Variants in GRK5 observed in about 807,000 individuals in gnomAD.
The protein encoded by GRK5 is g protein-coupled receptor kinase GRK5.
A neutral mutation model predicts 78.4 loss-of-function variants in GRK5; 40 were observed. The ratio of observed to expected loss-of-function variants is 0.51; its 90% CI spans 0.40 to 0.66. The LOEUF (loss-of-function observed/expected upper bound fraction) is 0.66, where lower values mean the gene tolerates loss of function less well. Ranked by LOEUF, GRK5 falls within the 30% of genes least tolerant of loss-of-function variation. The pLI, the probability that GRK5 is intolerant of heterozygous loss-of-function variation, is 0.00. For missense variants in GRK5, 598 were observed against 759.9 expected, an observed-to-expected ratio of 0.79 and a Z score of 2.50; for synonymous variants, 289 against 296.8, an observed-to-expected ratio of 0.97 and a Z score of 0.27.
chr10:119,434,226 C>T (rs1359480920), intron 8 of GRK5, among the ~76,000 whole-genome samples: 2 of 152,122 alleles, frequency 1.3e-5, no homozygotes, highest in Admixed American at 1.3e-4. Context: ...TCATTCTGCC[C>T]CTGGCCCCTC....
At position 119,455,004 on chromosome 10, in the gene GRK5, G is replaced by A; in HGVS notation, c.1710G>A (p.Lys570=). The A allele has an allele frequency of 6.2e-7, 1 of 1,614,012 alleles. No individual in the cohort carries two copies. Among genetic ancestry groups the A allele is most frequent in the Non-Finnish European group, 8.5e-7 (1 of 1,179,946 alleles). The change falls in exon 16 of 16, where the codon AAG becomes AAA. Residue 570 remains lysine (K), a synonymous_variant. Transcript: ENST00000392870. ...ATTCCAAGAGTTCGCCCAGCTCCAA[G>A]ACCAGTTTTAACCACCACATAAACT... ...QNNSKSSPSS[K]TSFNHHINSN...
chr10:119,260,774 G>C (rs1177178337), intron 1 of GRK5, among the ~76,000 whole-genome samples: 1 of 150,788 alleles, frequency 6.6e-6, no homozygotes, highest in Non-Finnish European at 1.5e-5. Context: ...TCTTAGTACA[G>C]AACAAAATGA....
Position 119,444,452 on chromosome 10 carries a change from GC to G in GRK5, c.1266+703del, listed in dbSNP as rs750284525. Among the ~76,000 whole-genome samples the G allele has an allele frequency of 1.8e-3, 273 of 152,280 alleles. 7 individuals are homozygous for G. The highest frequency in any genetic ancestry group is 1.6e-3 in the Non-Finnish European group (107 of 68,000). On this transcript the variant is annotated intron_variant, in intron 12 of 15. Transcript: ENST00000392870. ...TGGGCCGCCCCATGCCGGCCCTCAG[GC>G]CCTTCCCTGGGAACCAGGACTAGTG...
intron 4 of GRK5, among the ~76,000 whole-genome samples, chr10:119,418,477 C>A (rs1852507685): frequency 6.6e-6 from 1 of 152,204 alleles, no homozygotes; most frequent in Non-Finnish European, 1.5e-5. Flanking sequence ...GGCTACACAG[C>A]TGTGTCCCCA....
In GRK5 at chr10:119,378,899, G is replaced by A. The variant is rs993834743; in HGVS notation, c.149-1916G>A. 3.3e-5 allele frequency among the ~76,000 whole-genome samples: 5 copies of A among 152,274 alleles called. No individual in the cohort carries two copies. Among genetic ancestry groups the A allele is most frequent in the African/African-American group, 1.2e-4 (5 of 41,476 alleles). ...CCTTGAACCTGTCATTATGGCCAGA[G>A]AGAGAGGCCTCTGATTGGCTGTGAC... is the stretch of plus-strand genomic sequence containing the variant. On this transcript the variant is annotated intron_variant, in intron 2 of 15. Coordinates refer to ENST00000392870, the MANE Select transcript of GRK5 (RefSeq NM_005308.3). The surrounding 1 kb of genome is among the most constrained non-coding windows in gnomAD (Gnocchi z 4.5).
intron 1 of GRK5, among the ~76,000 whole-genome samples, chr10:119,309,189 G>T (rs530388002): frequency 3.3e-5 from 5 of 152,206 alleles, no homozygotes; most frequent in Non-Finnish European, 7.3e-5. Context: ...GATTCCACAG[G>T]CAGGGTTGAT....
intron 12 of GRK5, 52 bp downstream of exon 12, chr10:119,443,804 G>A (rs1250327952): frequency 1.4e-6 from 2 of 1,467,158 alleles, no homozygotes; most frequent in African/African-American, 1.4e-5. Context: ...TCCCCTCCCT[G>A]GGCCTGGCCC....
chr10:119,263,354 A>G (rs1849441949), intron 1 of GRK5, among the ~76,000 whole-genome samples: 1 of 151,254 alleles, frequency 6.6e-6, no homozygotes, highest in African/African-American at 2.5e-5. Flanking sequence ...CCTGCAGTGG[A>G]AAAAAAATTT....
Position 119,394,767 on chromosome 10 carries a change from CTGTG to C in GRK5, c.262-1919_262-1916del, listed in dbSNP as rs764434660. 9.2e-3 allele frequency among the ~76,000 whole-genome samples: 817 copies of C among 89,252 alleles called. 31 individuals are homozygous for C. Among genetic ancestry groups the C allele is most frequent in the African/African-American group, 0.03 (653 of 21,816 alleles). 58.6% of individuals were successfully genotyped at this position (89,252 alleles called of 152,430 possible). Reference sequence around the variant, plus strand: ...TGTGTGTCTGTGTGTGGGTGTGTATCTGTGTGTGTGTGGGCACGTGTATGTTTGG... The same window carrying C: ...TGTGTGTCTGTGTGTGGGTGTGTATCTGTGTGTGGGCACGTGTATGTTTGG... On this transcript the variant is annotated intron_variant, in intron 3 of 15. Transcript: ENST00000392870.
At chr10:119,448,022 T>C in intron 12 of GRK5, 101 bp from the exon 13 acceptor site, 1 of 1,368,914 alleles carries the variant, frequency 7.3e-7, no homozygotes, top group African/African-American at 1.5e-5. Flanking sequence ...TGGGGCAGCG[T>C]GTCTTGGGTT....
chr10:119,394,805 G>A (rs1346153248), intron 3 of GRK5, among the ~76,000 whole-genome samples: 1 of 143,652 alleles, frequency 7.0e-6, no homozygotes, highest in Non-Finnish European at 1.5e-5. Context: ...GGGTGTGTGG[G>A]TGTGTGTGTG....
chr10:119,237,227 T>C (rs2133734574), intron 1 of GRK5, among the ~76,000 whole-genome samples: 1 of 152,216 alleles, frequency 6.6e-6, no homozygotes, highest in South Asian at 2.1e-4. Context: ...CATTCCCAGC[T>C]AAGTTTTGTA....
At chr10:119,254,996 G>C (rs138847829) in intron 1 of GRK5, among the ~76,000 whole-genome samples, 1 of 139,082 alleles carries the variant, frequency 7.2e-6, no homozygotes, top group Admixed American at 7.9e-5. Flanking sequence ...CCGAGATTGC[G>C]CCATTGCACT....
chr10:119,283,364 G>A (rs1022879027), intron 1 of GRK5, among the ~76,000 whole-genome samples: 9 of 152,270 alleles, frequency 5.9e-5, no homozygotes, highest in Admixed American at 5.2e-4. Flanking sequence ...TGAGGCTTCT[G>A]TGAAAATGAA....
chr10:119,451,127 A>G (rs556387988), intron 13 of GRK5, among the ~76,000 whole-genome samples: 1 of 112,800 alleles, frequency 8.9e-6, no homozygotes, highest in Admixed American at 8.9e-5. Context: ...AGCCCCCCAC[A>G]GTCATCCATG....
At chr10:119,408,211 A>G (rs1236063212) in intron 4 of GRK5, among the ~76,000 whole-genome samples, 4 of 150,872 alleles carry the variant, frequency 2.7e-5, no homozygotes, top group Non-Finnish European at 5.9e-5. Context: ...ATGGTGGCGC[A>G]TGCCTGTAGT....
intron 1 of GRK5, among the ~76,000 whole-genome samples, chr10:119,223,717 T>A (rs1848692963): frequency 1.3e-5 from 2 of 148,292 alleles, no homozygotes; most frequent in African/African-American, 2.5e-5. Context: ...TATATATATA[T>A]TATATATATC....
At chr10:119,373,944 C>A (rs1429436837) in intron 2 of GRK5, among the ~76,000 whole-genome samples, 1 of 152,160 alleles carries the variant, frequency 6.6e-6, no homozygotes, top group Non-Finnish European at 1.5e-5. Context: ...GACCATATGG[C>A]CCTCAAACTA....
rs376357075 is a variant in GRK5, at chr10:119,304,720, A to C, written c.53-21796A>C. Reference sequence around the variant, plus strand: ...GCACCACGCTGCCTGCTCACCAGCCATCCACCAAGGGCTGGCTCTGTGCCT... The same window carrying C: ...GCACCACGCTGCCTGCTCACCAGCCCTCCACCAAGGGCTGGCTCTGTGCCT... On this transcript the variant is annotated intron_variant, in intron 1 of 15. Transcript: ENST00000392870. Among the ~76,000 whole-genome samples the C allele has an allele frequency of 4.9e-4, 74 of 152,276 alleles. 1 individual carries two copies. The South Asian group carries it at 0.015, about 30-fold the overall frequency.
Sources: allele counts gnomAD v4.1 joint callset (sites outside exome capture counted in the v4.1 genomes callset), GRCh38; gene constraint gnomAD v4.1.1; non-coding constraint Gnocchi (gnomAD v3.1); transcripts MANE v1.5; gene names NCBI Gene and HGNC (gene_info 2026-07-23, HGNC 2026-07-21).